Variants in RUFY4 observed in about 807,000 individuals in gnomAD.
The protein encoded by RUFY4 is RUN and FYVE domain containing 4.
In RUFY4, 73 loss-of-function variants were observed where a neutral mutation model predicts 69.0. The observed-to-expected ratio is 1.06, with a 90% CI of 0.88 to 1.29. The LOEUF is 1.29. Ranked by LOEUF, RUFY4 falls within the 50% of genes most tolerant of loss-of-function variation. RUFY4 has a pLI of 0.00. For synonymous variants in RUFY4, 287 were observed against 271.8 expected (o/e 1.06, Z -0.55); for missense variants, 770 against 705.6 (o/e 1.09, Z -1.03).
At position 218,073,876 on chromosome 2, in the gene RUFY4, C is replaced by T. The variant is rs1689557005; in HGVS notation, c.591C>T (p.Ala197=). The change falls in exon 6 of 11, where the codon GCC becomes GCT. Residue 197 remains alanine, a synonymous_variant. Coordinates refer to ENST00000344321, the Ensembl canonical transcript of RUFY4. Reference sequence around the variant, plus strand: ...GGAGACCCAGAAAAAACAAAGATGCCCCAAAGAAGGTGCCTCTGCCCTGCC... The same window carrying T: ...GGAGACCCAGAAAAAACAAAGATGCTCCAAAGAAGGTGCCTCTGCCCTGCC... 3 of 1,613,762 alleles carry T rather than the reference C, an allele frequency of 1.9e-6. No homozygotes were observed. The Admixed American group carries it at 5.0e-5, about 27-fold the overall frequency.
chr2:218,046,235 T>C (rs991614489), intron 2 of RUFY4, among the ~76,000 whole-genome samples: 18 of 152,064 alleles, frequency 1.2e-4, no homozygotes, highest in African/African-American at 4.1e-4. Context: ...TATTTGTAAA[T>C]ATATACTATT....
At chr2:218,035,957 C>T (rs188405743) in intron 2 of RUFY4, among the ~76,000 whole-genome samples, 29 of 152,214 alleles carry the variant, frequency 1.9e-4, no homozygotes, top group Admixed American at 1.8e-3. Flanking sequence ...CATGGGGACA[C>T]TCCCAGCCTA....
At chr2:218,084,269 T>C (rs2106071915) in intron 9 of RUFY4, among the ~76,000 whole-genome samples, 1 of 151,870 alleles carries the variant, frequency 6.6e-6, no homozygotes, top group Non-Finnish European at 1.5e-5. Context: ...TCTCGCTCTG[T>C]CCCCCAGGCT....
intron 2 of RUFY4, among the ~76,000 whole-genome samples, chr2:218,054,966 G>A (rs1353839758): frequency 6.6e-6 from 1 of 152,176 alleles, no homozygotes; most frequent in Non-Finnish European, 1.5e-5. Context: ...ATAGGAAGAT[G>A]CAATTTAAAA....
intron 9 of RUFY4, among the ~76,000 whole-genome samples, chr2:218,083,973 G>A (rs1249139648): frequency 2.0e-5 from 3 of 152,026 alleles, no homozygotes; most frequent in African/African-American, 7.2e-5. Context: ...GCCTGCCCAC[G>A]GGACTTCCTC....
Position 218,072,695 on chromosome 2 carries a change from G to A in RUFY4, c.280-84G>A. 3 of 1,308,872 alleles carry A rather than the reference G, an allele frequency of 2.3e-6. No homozygotes were observed. The East Asian group carries it at 7.6e-5, about 33-fold the overall frequency. 81.1% of individuals were successfully genotyped at this position (1,308,872 alleles called of 1,614,324 possible). A position where few individuals can be genotyped will look rare whatever the true frequency, so the allele number is the denominator to read the frequency against. On this transcript the variant is annotated intron_variant, in intron 3 of 10. Coordinates refer to ENST00000344321, the Ensembl canonical transcript of RUFY4. ...CCCCCTGCACCCTTCCCATTGCCAA[G>A]CACTTCCAGTCCCCTCTCTCTGTGT... is the stretch of plus-strand genomic sequence containing the variant.
At chr2:218,044,063 C>T (rs568366950) in intron 2 of RUFY4, among the ~76,000 whole-genome samples, 13 of 152,342 alleles carry the variant, frequency 8.5e-5, no homozygotes, top group Non-Finnish European at 1.5e-5. Flanking sequence ...TGGGGAGAGA[C>T]CAGGCAGCAG....
chr2:218,049,829 C>T (rs1009650812), intron 2 of RUFY4, among the ~76,000 whole-genome samples: 4 of 152,126 alleles, frequency 2.6e-5, no homozygotes, highest in Non-Finnish European at 5.9e-5. Flanking sequence ...TTATCTTTGA[C>T]CTTCTTTATC....
exon 11 of RUFY4, chr2:218,090,418 G>A (rs548380748): frequency 2.5e-5 from 6 of 236,538 alleles, no homozygotes; most frequent in South Asian, 1.3e-4. Context: ...ACCCAGCAGC[G>A]GTGCCCACCT....
chr2:218,075,064 G>T, intron 6 of RUFY4, 29 bp from the exon 9 acceptor site: 1 of 1,486,846 alleles, frequency 6.7e-7, no homozygotes, highest in South Asian at 1.4e-5. Flanking sequence ...GTGCTGAGAG[G>T]GATGACTGGT....
chr2:218,058,220 G>A lies in RUFY4; in HGVS notation c.-1157-375G>A, dbSNP rs551579069. ...GTGCACTGGGTCCTCAAAATGACCC[G>A]AGTTGTCCTTGTGTTCTTCTGATCA... On this transcript the variant is annotated intron_variant and NMD_transcript_variant, in intron 2 of 13. Coordinates refer to the RUFY4 transcript ENST00000457754. Among the ~76,000 whole-genome samples, 16 of 152,332 alleles carry A rather than the reference G, an allele frequency of 1.1e-4. 1 individual carries two copies. In the South Asian group the frequency reaches 2.3e-3, roughly 22 times the overall value.
upstream of RUFY4, among the ~76,000 whole-genome samples, chr2:218,068,378 C>T (rs1032213315): frequency 6.6e-6 from 1 of 151,618 alleles, no homozygotes; most frequent in African/African-American, 2.4e-5. Context: ...ACACAGGGAA[C>T]AGAGAAAGGG....
intron 2 of RUFY4, among the ~76,000 whole-genome samples, chr2:218,040,333 CT>C (rs1157571768): frequency 6.6e-6 from 1 of 152,130 alleles, no homozygotes; most frequent in Non-Finnish European, 1.5e-5. Context: ...CTTGGTTTCC[CT>C]ATTTCACCTT....
intron 2 of RUFY4, among the ~76,000 whole-genome samples, chr2:218,051,232 C>T (rs1032204416): frequency 6.6e-6 from 1 of 152,018 alleles, no homozygotes; most frequent in Non-Finnish European, 1.5e-5. Context: ...TTTTTGACTT[C>T]TTAAATATTA....
intron 2 of RUFY4, among the ~76,000 whole-genome samples, chr2:218,046,452 G>A (rs915875562): frequency 2.6e-5 from 4 of 152,050 alleles, no homozygotes; most frequent in Non-Finnish European, 4.4e-5. Context: ...AGACAGTGCA[G>A]TGCTTAACTT....
At chr2:218,040,287 G>A (rs1959043327) in intron 2 of RUFY4, among the ~76,000 whole-genome samples, 1 of 152,158 alleles carries the variant, frequency 6.6e-6, no homozygotes, top group Admixed American at 6.5e-5. Flanking sequence ...TCCAGATGTA[G>A]ACATGGTTGG....
intron 2 of RUFY4, among the ~76,000 whole-genome samples, chr2:218,035,582 A>T (rs1461227267): frequency 4.0e-5 from 6 of 151,262 alleles, no homozygotes; most frequent in Non-Finnish European, 7.4e-5. Context: ...GCCACCCCAA[A>T]CTCCAGCAGC....
intron 4 of RUFY4, 142 bp from the exon 7 acceptor site, chr2:218,073,101 C>A: frequency 8.5e-7 from 1 of 1,177,398 alleles, no homozygotes; most frequent in Non-Finnish European, 1.2e-6. Flanking sequence ...CCTGAAGGGC[C>A]ACAACTCTGC....
At chr2:218,085,799 G>T (rs1689879691) in intron 9 of RUFY4, among the ~76,000 whole-genome samples, 1 of 152,188 alleles carries the variant, frequency 6.6e-6, no homozygotes. Flanking sequence ...GTTTGTCCTG[G>T]CATTTGGGTG....
Sources: gnomAD v4.1 joint callset for allele counts (sites outside exome capture counted in the v4.1 genomes callset) on GRCh38, gnomAD v4.1.1 for gene constraint, MANE v1.5 for transcripts, NCBI Gene and HGNC (gene_info 2026-07-23, HGNC 2026-07-21) for gene names.